The following KCNC4 variants were observed in gnomAD, a reference collection of about 807,000 sequenced individuals.
KCNC4 encodes the protein potassium voltage-gated channel subfamily C member 4, also known as voltage-gated potassium channel KCNC4.
In KCNC4, 23 loss-of-function variants were observed where a neutral mutation model predicts 42.8. The ratio of observed to expected loss-of-function variants is 0.54; its 90% CI spans 0.39 to 0.76. KCNC4 has a LOEUF of 0.76. Ranked by LOEUF, KCNC4 falls within the 30% of genes least tolerant of loss-of-function variation. The probability of loss-of-function intolerance (pLI) is 0.00; values close to 1 mark genes in which losing one functional copy is unlikely to be tolerated. For synonymous variants in KCNC4, 422 were observed against 393.5 expected (o/e 1.07, Z -0.86); for missense variants, 751 against 898.2 (o/e 0.84, Z 2.10).
At chr1:110,267,241 A>T (rs566449472) in intron 1 of KCNC4, among the ~76,000 whole-genome samples, 1 of 152,318 alleles carries the variant, frequency 6.6e-6, no homozygotes, top group East Asian at 1.9e-4. Context: ...GCTCAGGATC[A>T]ACGTCTTTTC....
Position 110,232,517 on chromosome 1 carries a change from T to A in KCNC4, c.1820-394T>A, listed in dbSNP as rs537430035. ...CTGCCTCCATGCAAGGCTGCAGAGC[T>A]ATGGTCCCTTTCTCCACTGCACTGG... On this transcript the variant is annotated intron_variant, in intron 3 of 3. Coordinates refer to ENST00000438661, the MANE Select transcript of KCNC4 (RefSeq NM_001039574.3). 3.5e-6 allele frequency: 5 copies of A among 1,436,370 alleles called. No homozygotes were observed. The East Asian group carries it at 1.3e-4, about 36-fold the overall frequency. 89.0% of individuals were successfully genotyped at this position (1,436,370 alleles called of 1,614,324 possible).
intron 1 of KCNC4, among the ~76,000 whole-genome samples, chr1:110,266,238 T>C (rs1659538850): frequency 6.6e-6 from 1 of 152,148 alleles, no homozygotes. Flanking sequence ...CACTGTTGCA[T>C]GGGGAGAGAG....
intron 3 of KCNC4, among the ~76,000 whole-genome samples, chr1:110,229,825 G>A (rs1395398234): frequency 6.6e-6 from 1 of 152,206 alleles, no homozygotes. Context: ...GGTTGCCTCA[G>A]CCAAGACGTT....
intron 1 of KCNC4, among the ~76,000 whole-genome samples, chr1:110,212,964 C>T (rs1232028795): frequency 1.3e-5 from 2 of 152,032 alleles, no homozygotes; most frequent in African/African-American, 4.8e-5. Context: ...GTTGCCGCTT[C>T]TTTTCTTTCT....
At chr1:110,231,085 A>G (rs1203159579) in intron 3 of KCNC4, among the ~76,000 whole-genome samples, 2 of 152,224 alleles carry the variant, frequency 1.3e-5, no homozygotes, top group Non-Finnish European at 2.9e-5. Context: ...CAGTCTGGGT[A>G]GGAGTTCACA....
intron 1 of KCNC4, among the ~76,000 whole-genome samples, chr1:110,279,498 A>G (rs1218490867): frequency 1.3e-5 from 2 of 152,160 alleles, no homozygotes; most frequent in Non-Finnish European, 2.9e-5. Context: ...CCTGAGATGC[A>G]CACTCCCCAC....
chr1:110,225,984 A>G lies in KCNC4; in HGVS notation c.1625A>G (p.Gln542Arg), dbSNP rs200102570. 3 of 1,595,284 alleles carry G rather than the reference A, an allele frequency of 1.9e-6. No individual in the cohort carries two copies. The highest frequency in any genetic ancestry group is 1.7e-4 in the Middle Eastern group (1 of 5,956). Residue 542 changes from glutamine to arginine, a missense_variant, in exon 3 of 4, where the codon CAG becomes CGG. Transcript: ENST00000438661. ...TGTGTGCCCCCTTCAGACTCTAAGCAGAATGGCGATGCCAACGCAGTGCTG... is the reference window on the plus strand; with the variant it reads ...TGTGTGCCCCCTTCAGACTCTAAGCGGAATGGCGATGCCAACGCAGTGCTG... ...MIERKRADSK[Q>R]NGDANAVLSD...
chr1:110,232,620 C>CA, intron 3 of KCNC4: 1 of 1,441,382 alleles, frequency 6.9e-7, no homozygotes, highest in East Asian at 2.5e-5. Context: ...GCTACAACAT[C>CA]ACCTGAGTCA....
chr1:110,245,217 G>T (rs1230684565), exon 4 of KCNC4: 1 of 152,250 alleles, frequency 6.6e-6, no homozygotes, highest in Non-Finnish European at 1.5e-5. Flanking sequence ...GGCGGCTTCT[G>T]TGACAGAGAG....
Position 110,226,065 on chromosome 1 carries a change from A to G in KCNC4, c.1706A>G (p.Glu569Gly). The change falls in exon 3 of 4, where the codon GAG becomes GGG. Residue 569 changes from glutamate (E) to glycine (G), a missense_variant. Glu to Gly is a moderately conservative substitution (Grantham distance 98). Coordinates refer to ENST00000438661, the MANE Select transcript of KCNC4 (RefSeq NM_001039574.3). ...TQPLASSPTP[E>G]ERRALRRSTT... is the part of the protein sequence containing the mutation. ...CCCCTGGCCTCCTCCCCGACCCCCG[A>G]GGAGCGCCGGGCCCTGCGACGCTCC... The G allele has an allele frequency of 6.2e-7, 1 of 1,613,900 alleles. No homozygotes were observed. Among genetic ancestry groups the G allele is most frequent in the Non-Finnish European group, 8.5e-7 (1 of 1,179,888 alleles).
rs1659168425 is a variant in KCNC4, at chr1:110,247,208, C to T, written c.*14899C>T. 1.3e-5 allele frequency: 2 copies of T among 151,268 alleles called. 1 individual carries two copies. The highest frequency in any genetic ancestry group is 4.9e-5 in the African/African-American group (2 of 41,140). 9.4% of individuals were successfully genotyped at this position (151,268 alleles called of 1,614,324 possible). ...GTCTTTGCTATTGTGAATAATACTG[C>T]AGTAAACATACGAGTGCAGGTACTT... On this transcript the variant is annotated 3_prime_UTR_variant, in exon 4 of 4. Transcript: ENST00000369787.
At chr1:110,217,007 C>T (rs1027123009) in intron 1 of KCNC4, among the ~76,000 whole-genome samples, 1 of 152,182 alleles carries the variant, frequency 6.6e-6, no homozygotes, top group South Asian at 2.1e-4. Context: ...AGCAGGGGGT[C>T]ACCTTGGCCC....
chr1:110,224,447 G>C (rs1400097330), intron 2 of KCNC4: 1 of 154,780 alleles, frequency 6.5e-6, no homozygotes, highest in African/African-American at 2.4e-5. Context: ...CTGGTATCTT[G>C]GCCTAATAAA....
At chr1:110,232,839 C>G (rs773442611) in intron 3 of KCNC4, 72 bp from the exon 4 acceptor site, 19 of 1,556,668 alleles carry the variant, frequency 1.2e-5, no homozygotes, top group African/African-American at 1.1e-4. Flanking sequence ...CCCTGTCCCC[C>G]CAACCCCAGA....
intron 2 of KCNC4, chr1:110,225,463 C>T (rs1328078451): frequency 6.5e-6 from 1 of 153,136 alleles, no homozygotes; most frequent in African/African-American, 2.4e-5. Flanking sequence ...CTTTTGGGCA[C>T]AGGACTCTGG....
chr1:110,222,021 G>A (rs1368390379), intron 1 of KCNC4: 1 of 152,236 alleles, frequency 6.6e-6, no homozygotes, highest in Non-Finnish European at 1.5e-5. Flanking sequence ...GATCCCAGCA[G>A]CTGTCGAGAT....
At chr1:110,279,720 G>A (rs1227020810) in intron 1 of KCNC4, among the ~76,000 whole-genome samples, 1 of 151,598 alleles carries the variant, frequency 6.6e-6, no homozygotes, top group Non-Finnish European at 1.5e-5. Flanking sequence ...GAAAGAATCT[G>A]GTACCTGTGT....
intron 1 of KCNC4, among the ~76,000 whole-genome samples, chr1:110,260,477 T>A (rs748342719): frequency 6.6e-5 from 10 of 152,242 alleles, no homozygotes; most frequent in Non-Finnish European, 1.3e-4. Context: ...AATGAACAAA[T>A]GTCTTTAAAA....
At chr1:110,237,017 A>G (rs779618801), downstream of KCNC4, 3 of 152,098 alleles carry the variant, frequency 2.0e-5, no homozygotes, top group Non-Finnish European at 4.4e-5. Context: ...GCTATTATAA[A>G]TTTATTACTG....
Sources: gnomAD v4.1 joint callset for allele counts (sites outside exome capture counted in the v4.1 genomes callset) on GRCh38, gnomAD v4.1.1 for gene constraint, MANE v1.5 for transcripts, NCBI Gene and HGNC (gene_info 2026-07-23, HGNC 2026-07-21) for gene names.